The following DZIP1 variants were observed in gnomAD, a reference collection of about 807,000 sequenced individuals.
DZIP1 encodes cilium assembly protein DZIP1.
In DZIP1, 97 loss-of-function variants were observed where a neutral mutation model predicts 107.6. The observed-to-expected ratio is 0.90, with a 90% CI of 0.77 to 1.07. The LOEUF (loss-of-function observed/expected upper bound fraction) is 1.07, where lower values mean the gene tolerates loss of function less well. Ranked by LOEUF, DZIP1 falls within the 50% of genes least tolerant of loss-of-function variation. The pLI, the probability that DZIP1 is intolerant of heterozygous loss-of-function variation, is 0.00. For synonymous variants in DZIP1, 390 were observed against 386.4 expected (o/e 1.01, Z -0.11); for missense variants, 1,035 against 1,063.6 (o/e 0.97, Z 0.37).
chr13:95,635,009 T>C lies in DZIP1; in HGVS notation c.598-1688A>G, dbSNP rs570736522. 6.4e-4 allele frequency among the ~76,000 whole-genome samples: 98 copies of C among 152,216 alleles called. 1 individual carries two copies. Among genetic ancestry groups the C allele is most frequent in the Non-Finnish European group, 2.5e-4 (17 of 68,010 alleles). ...TTTCCCCTCCACCTCTTTTTTTTCC[T>C]TGCTATCCTTTTGCTGAAGGGGCTG... On this transcript the variant is annotated intron_variant, in intron 5 of 22. Coordinates refer to ENST00000376829, the MANE Select transcript of DZIP1 (RefSeq NM_198968.4).
chr13:95,614,293 A>G (rs967117683), intron 10 of DZIP1, among the ~76,000 whole-genome samples: 2 of 151,906 alleles, frequency 1.3e-5, no homozygotes, highest in African/African-American at 4.8e-5. Context: ...GATACTAAGA[A>G]CCTCCCCCAA....
At chr13:95,625,513 A>C (rs917338199) in intron 7 of DZIP1, among the ~76,000 whole-genome samples, 1 of 152,218 alleles carries the variant, frequency 6.6e-6, no homozygotes, top group Non-Finnish European at 1.5e-5. Flanking sequence ...CACATGGAAT[A>C]TTTACCAGGA....
Position 95,590,368 on chromosome 13 carries a change from TCTTG to T in DZIP1, c.1750_1753del (p.Gln584LysfsTer49). The T allele has an allele frequency of 6.2e-7, 1 of 1,613,984 alleles. No individual in the cohort carries two copies. On this transcript the variant is annotated frameshift_variant, in exon 17 of 23. Coordinates refer to ENST00000376829, the MANE Select transcript of DZIP1 (RefSeq NM_198968.4). LOFTEE classifies it high-confidence loss of function. ...TTGATGAAAGTTAGGTATTTCTCTT[TCTTG>T]CTTATGTCTTTCTGATTCCACACTT...
intron 15 of DZIP1, among the ~76,000 whole-genome samples, 173 bp from the exon 16 acceptor site, chr13:95,594,259 A>G (rs2044385148): frequency 6.6e-6 from 1 of 152,234 alleles, no homozygotes; most frequent in Non-Finnish European, 1.5e-5. Context: ...TAAGTTATGC[A>G]GCTTTTAAAA....
chr13:95,643,764 A>T (rs1463168385), intron 1 of DZIP1, 66 bp from the exon 2 acceptor site: 1 of 152,588 alleles, frequency 6.6e-6, no homozygotes, highest in Non-Finnish European at 1.5e-5. Context: ...ATGAAGAACG[A>T]TCGAATGACT....
rs543060200 is a variant in DZIP1 at position 95,642,080 on chromosome 13, G to A, written c.-51C>T. The A allele has an allele frequency of 4.7e-6, 7 of 1,484,874 alleles. No homozygotes were observed. The highest frequency in any genetic ancestry group is 6.2e-6 in the Non-Finnish European group (7 of 1,127,028). The allele number at this position is 1,484,874 out of a possible 1,614,324, so 92.0% of individuals were successfully genotyped here. ...AGCCTGGGCCGCCTCCCGGGCCGCC[G>A]CCGCCACAGCCCTCAGGAGCGGGAG... On this transcript the variant is annotated 5_prime_UTR_variant, in exon 4 of 23. Transcript: ENST00000376829.
intron 15 of DZIP1, 40 bp from the exon 16 acceptor site, chr13:95,594,126 A>C: frequency 2.0e-6 from 3 of 1,509,402 alleles, no homozygotes; most frequent in Non-Finnish European, 2.7e-6. Context: ...AAAAGAATTA[A>C]GCAAATACAT....
intron 5 of DZIP1, among the ~76,000 whole-genome samples, chr13:95,634,071 A>C (rs1166933306): frequency 6.6e-6 from 1 of 152,166 alleles, no homozygotes; most frequent in East Asian, 1.9e-4. Context: ...TTAGACTGAC[A>C]GCTTCCACTC....
intron 18 of DZIP1, among the ~76,000 whole-genome samples, 194 bp from the exon 19 acceptor site, chr13:95,589,401 T>A (rs1487566801): frequency 1.3e-5 from 2 of 152,220 alleles, no homozygotes; most frequent in Admixed American, 1.3e-4. Flanking sequence ...AACACTGTTA[T>A]GGACTCAATG....
At chr13:95,595,902 C>G (rs145596008) in intron 15 of DZIP1, among the ~76,000 whole-genome samples, 3 of 152,136 alleles carry the variant, frequency 2.0e-5, no homozygotes, top group African/African-American at 7.2e-5. Context: ...AAGCCTTTGC[C>G]GTTAGTTGTT....
At chr13:95,610,522 A>G (rs557886199) in intron 12 of DZIP1, among the ~76,000 whole-genome samples, 5 of 152,046 alleles carry the variant, frequency 3.3e-5, no homozygotes, top group Non-Finnish European at 7.4e-5. Context: ...TGCCCAGGCT[A>G]GTCTCGAACT....
intron 10 of DZIP1, among the ~76,000 whole-genome samples, chr13:95,615,935 C>G (rs1421919306): frequency 6.6e-6 from 1 of 152,114 alleles, no homozygotes; most frequent in Non-Finnish European, 1.5e-5. Flanking sequence ...TCCCATGAAA[C>G]CAAAGTTGTG....
intron 10 of DZIP1, among the ~76,000 whole-genome samples, chr13:95,612,587 G>A (rs1020080134): frequency 6.6e-6 from 1 of 151,952 alleles, no homozygotes; most frequent in African/African-American, 2.4e-5. Flanking sequence ...TAATGTTTTT[G>A]TTGTTGTTTT....
At chr13:95,624,523 G>A (rs768309802) in intron 8 of DZIP1, among the ~76,000 whole-genome samples, 6 of 152,192 alleles carry the variant, frequency 3.9e-5, no homozygotes, top group African/African-American at 7.2e-5. Context: ...GACCATCATA[G>A]AAGAGGGTCT....
At chr13:95,585,612 C>A (rs1484318224) in intron 21 of DZIP1, among the ~76,000 whole-genome samples, 1 of 152,158 alleles carries the variant, frequency 6.6e-6, no homozygotes, top group Non-Finnish European at 1.5e-5. Flanking sequence ...TTGGCCTCCA[C>A]CCTCACTTCG....
At chr13:95,610,528 G>A (rs894859991) in intron 12 of DZIP1, among the ~76,000 whole-genome samples, 3 of 151,816 alleles carry the variant, frequency 2.0e-5, no homozygotes, top group African/African-American at 2.4e-5. Flanking sequence ...GGCTAGTCTC[G>A]AACTCCTGGC....
chr13:95,618,149 T>G (rs912937713), intron 10 of DZIP1, among the ~76,000 whole-genome samples: 1 of 152,206 alleles, frequency 6.6e-6, no homozygotes, highest in Non-Finnish European at 1.5e-5. Context: ...AAACTCTCTC[T>G]GTTCAGTCCC....
At chr13:95,626,893 C>G (rs1197147927) in intron 7 of DZIP1, among the ~76,000 whole-genome samples, 2 of 152,052 alleles carry the variant, frequency 1.3e-5, no homozygotes, top group South Asian at 4.1e-4. Flanking sequence ...AAAGACATCC[C>G]ATGTTCATGG....
rs781758997 is a variant in DZIP1, at chr13:95,589,220, C to T, written c.1974-13G>A. On this transcript the variant is annotated splice_polypyrimidine_tract_variant and intron_variant, in intron 18 of 22. Transcript: ENST00000376829. ...ATTTTTCTTAATTCTAAAAAAACAA[C>T]AGAAAAATATTTTTAAATTGCATAA... The T allele has an allele frequency of 7.0e-6, 11 of 1,560,880 alleles. No individual in the cohort carries two copies. In the East Asian group the frequency reaches 2.5e-4, roughly 35 times the overall value.
Sources: allele counts gnomAD v4.1 joint callset (sites outside exome capture counted in the v4.1 genomes callset), GRCh38; gene constraint gnomAD v4.1.1; transcripts MANE v1.5; gene names NCBI Gene and HGNC (gene_info 2026-07-23, HGNC 2026-07-21).